Variants in RAD50 observed in about 807,000 individuals in gnomAD.
RAD50 encodes DNA repair protein RAD50.
In RAD50, 132 loss-of-function variants were observed where a neutral mutation model predicts 168.8. That is an observed-to-expected ratio of 0.78 (90% CI 0.68 to 0.90). The LOEUF is 0.90. Ranked by LOEUF, RAD50 falls within the 40% of genes least tolerant of loss-of-function variation. The pLI is 0.00. For synonymous variants in RAD50, 525 were observed against 497.4 expected (o/e 1.06, Z -0.74); for missense variants, 1,347 against 1,534.4 (o/e 0.88, Z 2.04).
At chr5:132,583,431 A>G (rs147858692) in intron 5 of RAD50, among the ~76,000 whole-genome samples, 16 of 152,258 alleles carry the variant, frequency 1.1e-4, no homozygotes, top group Non-Finnish European at 2.1e-4. Flanking sequence ...TATAAATTCT[A>G]TGAGTTAGGA....
rs201987982 is a variant in RAD50, at chr5:132,588,106, A to G, written c.1051+17A>G. 4 of 1,603,038 alleles carry G rather than the reference A, an allele frequency of 2.5e-6. No homozygotes were observed. The highest frequency in any genetic ancestry group is 3.4e-6 in the Non-Finnish European group (4 of 1,170,284). The stretch of plus-strand genomic sequence containing the variant: ...TTGAACAGGGTAGGACAAAATGTTT[A>G]TTTGGTCGTTTTTCCTACTATGATG... On this transcript the variant is annotated intron_variant, in intron 7 of 24. Coordinates refer to ENST00000378823, the MANE Select transcript of RAD50 (RefSeq NM_005732.4).
At chr5:132,636,540 A>G (rs1034655979) in intron 21 of RAD50, among the ~76,000 whole-genome samples, 2 of 152,246 alleles carry the variant, frequency 1.3e-5, no homozygotes, top group Admixed American at 6.5e-5. Context: ...TCCAGTTGGT[A>G]AAAATCTAAG....
Position 132,591,257 on chromosome 5 carries a change from A to C in RAD50, c.1486A>C (p.Asn496His). 6.2e-7 allele frequency: 1 copy of C among 1,613,018 alleles called. No individual in the cohort carries two copies. The highest frequency in any genetic ancestry group is 8.5e-7 in the Non-Finnish European group (1 of 1,178,988). ...RELSKAEKNS[N>H]VETLKMEVIS... The stretch of plus-strand genomic sequence containing the variant: ...GTTAAGCAAGGCTGAGAAAAACAGC[A>C]ATGTAGAAACCTTAAAAATGGAAGT... The change falls in exon 10 of 25, where the codon AAT (asparagine) becomes CAT (histidine). Residue 496 changes from asparagine to histidine, a missense_variant. Around this residue, in one of 3 missense-constraint regions of RAD50, gnomAD observed 703 missense variants for 767.7 expected, o/e 0.92. Transcript: ENST00000378823.
At position 132,605,009 on chromosome 5, in the gene RAD50, T is replaced by G. The variant is rs765764447; in HGVS notation, c.2718+10T>G. ...GTACAGAGAGATAAAGGTAAGAATA[T>G]CCATACATGTTTTTTGTAAAATTAT... is the stretch of plus-strand genomic sequence containing the variant. On this transcript the variant is annotated intron_variant, in intron 16 of 24. Coordinates refer to ENST00000378823, the MANE Select transcript of RAD50 (RefSeq NM_005732.4). The G allele has an allele frequency of 3.9e-6, 6 of 1,542,532 alleles. No individual in the cohort carries two copies. The Admixed American group carries it at 1.1e-4, about 28-fold the overall frequency.
At chr5:132,557,582 C>A in intron 1 of RAD50, 129 bp downstream of exon 1, 1 of 1,378,112 alleles carries the variant, frequency 7.3e-7, no homozygotes, top group Non-Finnish European at 1.0e-6. Context: ...CCTTAAAGTG[C>A]CTTAGGGTGT....
chr5:132,570,990 T>C (rs1168099688), intron 2 of RAD50, among the ~76,000 whole-genome samples: 1 of 152,158 alleles, frequency 6.6e-6, no homozygotes, highest in East Asian at 1.9e-4. Context: ...TCCATATTAT[T>C]GTGTCTCAGG....
chr5:132,606,165 C>T (rs1280855613), intron 16 of RAD50, among the ~76,000 whole-genome samples: 1 of 151,846 alleles, frequency 6.6e-6, no homozygotes, highest in Non-Finnish European at 1.5e-5. Flanking sequence ...AAAAACCCTT[C>T]AAAAAAATCA....
intron 2 of RAD50, among the ~76,000 whole-genome samples, chr5:132,575,419 A>G (rs1408645407): frequency 6.6e-6 from 1 of 152,228 alleles, no homozygotes; most frequent in Admixed American, 6.5e-5. Flanking sequence ...TGGAAATTCA[A>G]GATGAGATTT....
In RAD50 at chr5:132,642,978, CCTT is replaced by C. The variant is rs1442954307; in HGVS notation, c.*620_*622del. 9.5e-6 allele frequency: 5 copies of C among 524,822 alleles called. No individual in the cohort carries two copies. Among genetic ancestry groups the C allele is most frequent in the East Asian group, 8.6e-5 (2 of 23,346 alleles). The allele number at this position is 524,822 out of a possible 1,614,324, so 32.5% of individuals were successfully genotyped here. A position where few individuals can be genotyped will look rare whatever the true frequency, so the allele number is the denominator to read the frequency against. On this transcript the variant is annotated 3_prime_UTR_variant, in exon 25 of 25. Transcript: ENST00000378823. Reference sequence around the variant, plus strand: ...TAATCATCTAAGTCAGTACCCACCACCTTCTTCTCCTACATATCCCTTCCAGAT... The same window carrying C: ...TAATCATCTAAGTCAGTACCCACCACCTTCTCCTACATATCCCTTCCAGAT...
chr5:132,612,777 C>CT (rs941691916), intron 19 of RAD50, among the ~76,000 whole-genome samples: 4 of 151,866 alleles, frequency 2.6e-5, no homozygotes, highest in Non-Finnish European at 5.9e-5. Context: ...GCAGTGAGCC[C>CT]TTACTACGCC....
At chr5:132,640,480 G>T (rs1751694335) in intron 23 of RAD50, among the ~76,000 whole-genome samples, 192 bp from the exon 24 acceptor site, 2 of 152,220 alleles carry the variant, frequency 1.3e-5, no homozygotes, top group Non-Finnish European at 2.9e-5. Context: ...CTGAGATCAT[G>T]CAGGTTCTCC....
chr5:132,562,733 G>T (rs946962299), intron 2 of RAD50, among the ~76,000 whole-genome samples: 1 of 152,074 alleles, frequency 6.6e-6, no homozygotes, highest in South Asian at 2.1e-4. Context: ...TATACAGGTA[G>T]TTCCACATAG....
chr5:132,618,018 G>C lies in RAD50; in HGVS notation c.3165-52G>C. 6 of 1,440,256 alleles carry C rather than the reference G, an allele frequency of 4.2e-6. No individual in the cohort carries two copies. The Admixed American group carries it at 1.0e-4, about 24-fold the overall frequency. The allele number at this position is 1,440,256 out of a possible 1,614,324, so 89.2% of individuals were successfully genotyped here. Reference sequence around the variant, plus strand: ...AGAAATCTATGACTTTTCCACTTCAGGTTGTTAAAAGCTAAAAAATGGTCC... The same window carrying C: ...AGAAATCTATGACTTTTCCACTTCACGTTGTTAAAAGCTAAAAAATGGTCC... On this transcript the variant is annotated intron_variant, in intron 20 of 24. Transcript: ENST00000378823.
intron 23 of RAD50, among the ~76,000 whole-genome samples, chr5:132,639,384 CAT>C (rs938052299): frequency 1.9e-4 from 28 of 151,040 alleles, no homozygotes; most frequent in South Asian, 1.0e-3. Context: ...ACATGCCATG[CAT>C]ATATGTATTA....
rs773481994 is a variant in RAD50 at position 132,588,031 on chromosome 5, A to C, written c.993A>C (p.Lys331Asn). 2 of 1,612,630 alleles carry C rather than the reference A, an allele frequency of 1.2e-6. No homozygotes were observed. The highest frequency in any genetic ancestry group is 2.2e-5 in the South Asian group (2 of 91,046). The change falls in exon 7 of 25, where the codon AAA becomes AAC. Residue 331 changes from lysine (K) to asparagine (N), a missense_variant. Lys to Asn is a moderately conservative substitution (Grantham distance 94, BLOSUM62 0). Around this residue, in one of 3 missense-constraint regions of RAD50, gnomAD observed 703 missense variants for 767.7 expected, o/e 0.92. Transcript: ENST00000378823. ...KLVDCHRELE[K>N]LNKESRLLNQ... is the part of the protein sequence containing the mutation. ...TAGACTGTCATCGTGAACTGGAAAA[A>C]CTAAATAAAGAATCTAGGCTTCTCA...
intron 21 of RAD50, among the ~76,000 whole-genome samples, chr5:132,619,853 AAGAT>A (rs1341954607): frequency 9.2e-6 from 1 of 108,846 alleles, no homozygotes; most frequent in Admixed American, 8.8e-5. Flanking sequence ...TATATATATA[AAGAT>A]ATATATATAT....
intron 1 of RAD50, among the ~76,000 whole-genome samples, chr5:132,558,716 C>G (rs1324590337): frequency 1.6e-4 from 17 of 107,712 alleles, no homozygotes; most frequent in African/African-American, 6.3e-4. Flanking sequence ...TCTCTCCCCC[C>G]ACAAAAAAAA....
intron 21 of RAD50, among the ~76,000 whole-genome samples, chr5:132,622,244 T>C (rs529822140): frequency 6.6e-6 from 1 of 152,224 alleles, no homozygotes; most frequent in South Asian, 2.1e-4. Context: ...CACTGCAGCC[T>C]CCACCTCCTG....
intron 7 of RAD50, 73 bp from the exon 8 acceptor site, chr5:132,588,614 T>G (rs1750638387): frequency 1.4e-6 from 2 of 1,402,578 alleles, no homozygotes; most frequent in African/African-American, 1.4e-5. Context: ...TTTTTATAAC[T>G]CGTGAATCTG....
Sources: allele counts gnomAD v4.1 joint callset (sites outside exome capture counted in the v4.1 genomes callset), GRCh38; gene constraint gnomAD v4.1.1; regional missense constraint gnomAD v4.1.1; transcripts MANE v1.5; gene names NCBI Gene and HGNC (gene_info 2026-07-23, HGNC 2026-07-21).